The following ARMC2 variants were observed in gnomAD, a reference collection of about 807,000 sequenced individuals.
ARMC2 encodes armadillo repeat containing 2.
In ARMC2, 67 loss-of-function variants were observed where a neutral mutation model predicts 90.3. That is an observed-to-expected ratio of 0.74 (90% CI 0.61 to 0.91). The LOEUF (loss-of-function observed/expected upper bound fraction) is 0.91, where lower values mean the gene tolerates loss of function less well. Among genes scored for constraint, ARMC2 ranks in the 40% least tolerant of loss-of-function variants. The pLI is 0.00. For missense variants in ARMC2, 920 were observed against 1,030.9 expected (o/e 0.89, Z 1.47); for synonymous variants, 393 against 393.0 (o/e 1.00, Z 0.00).
At chr6:108,924,432 C>T (rs1356036132) in intron 10 of ARMC2, among the ~76,000 whole-genome samples, 1 of 151,954 alleles carries the variant, frequency 6.6e-6, no homozygotes, top group African/African-American at 2.4e-5. Context: ...GCAGGAGAAT[C>T]GCTTGAACCC....
the ARMC2 span, among the ~76,000 whole-genome samples, chr6:109,006,277 C>A: frequency 6.6e-6 from 1 of 152,122 alleles, no homozygotes; most frequent in Admixed American, 6.5e-5. Flanking sequence ...TTTAGCATAA[C>A]TGATGAAAGC....
intron 6 of ARMC2, among the ~76,000 whole-genome samples, chr6:108,896,638 A>G (rs774577694): frequency 6.6e-6 from 1 of 152,226 alleles, no homozygotes; most frequent in Admixed American, 6.5e-5. Context: ...AGCAAATCTC[A>G]GAAACATTCA....
At chr6:108,980,643 G>C in the ARMC2 span, among the ~76,000 whole-genome samples, 7 of 152,146 alleles carry the variant, frequency 4.6e-5, no homozygotes, top group African/African-American at 7.2e-5. Flanking sequence ...GGAGATGGGG[G>C]TTTTATCTAT....
intron 11 of ARMC2, among the ~76,000 whole-genome samples, chr6:108,936,277 G>A (rs1440687949): frequency 1.3e-5 from 2 of 151,936 alleles, no homozygotes; most frequent in African/African-American, 4.8e-5. Context: ...TTTGTTTTGA[G>A]GCAGAGTCTC....
chr6:108,900,613 G>A (rs1268474918), intron 7 of ARMC2, among the ~76,000 whole-genome samples: 1 of 152,152 alleles, frequency 6.6e-6, no homozygotes, highest in Non-Finnish European at 1.5e-5. Flanking sequence ...ACCAAACAGA[G>A]ATGTGCTGCA....
At chr6:109,003,165 C>G in the ARMC2 span, among the ~76,000 whole-genome samples, 1 of 151,730 alleles carries the variant, frequency 6.6e-6, no homozygotes, top group Non-Finnish European at 1.5e-5. Flanking sequence ...TAATATATTT[C>G]AACTTTTTGT....
At chr6:109,004,098 A>T in the ARMC2 span, among the ~76,000 whole-genome samples, 1 of 152,212 alleles carries the variant, frequency 6.6e-6, no homozygotes, top group Non-Finnish European at 1.5e-5. Flanking sequence ...TCAGAAAAAA[A>T]GTGAAGCTGG....
At chr6:109,009,338 C>G in the ARMC2 span, 50 of 1,467,226 alleles carry the variant, frequency 3.4e-5, no homozygotes, top group East Asian at 1.5e-3. Context: ...CAGCGGCCCG[C>G]TCAGCCCCTC....
At chr6:108,902,804 A>G (rs1005018646) in intron 7 of ARMC2, among the ~76,000 whole-genome samples, 6 of 152,152 alleles carry the variant, frequency 3.9e-5, no homozygotes, top group African/African-American at 1.4e-4. Flanking sequence ...AGATAATATT[A>G]TTTGACAGAA....
chr6:108,889,317 T>C (rs751564994), intron 5 of ARMC2, among the ~76,000 whole-genome samples: 2 of 149,806 alleles, frequency 1.3e-5, no homozygotes, highest in Non-Finnish European at 3.0e-5. Context: ...GGCTAATTTT[T>C]GTATTTTTAG....
At position 108,910,890 on chromosome 6, in the gene ARMC2, T is replaced by A; in HGVS notation, c.1024-9T>A. 7.0e-7 allele frequency: 1 copy of A among 1,427,478 alleles called. No individual in the cohort carries two copies. The highest frequency in any genetic ancestry group is 9.6e-7 in the Non-Finnish European group (1 of 1,046,656). The allele number at this position is 1,427,478 out of a possible 1,614,324, so 88.4% of individuals were successfully genotyped here. On this transcript the variant is annotated splice_polypyrimidine_tract_variant and intron_variant, in intron 8 of 17. Transcript: ENST00000392644. ...CTTCTGCAATAGAGATGTGTTTCTT[T>A]CTCTGCAGCTTAAAGTGAGTAGAAA... is the stretch of plus-strand genomic sequence containing the variant.
intron 10 of ARMC2, among the ~76,000 whole-genome samples, chr6:108,915,785 T>C (rs78030788): frequency 1.3e-5 from 2 of 152,070 alleles, no homozygotes; most frequent in Non-Finnish European, 2.9e-5. Context: ...AAGAGTGGAC[T>C]TGGGGCAACA....
intron 5 of ARMC2, chr6:108,880,227 C>T (rs1160374261): frequency 1.6e-5 from 5 of 309,226 alleles, no homozygotes; most frequent in East Asian, 1.7e-4. Context: ...GGCCTTCTCA[C>T]ATTGTGTAAT....
chr6:108,994,140 T>TAAAAAAAAAAAA, the ARMC2 span, among the ~76,000 whole-genome samples: 1 of 100,254 alleles, frequency 1.0e-5, no homozygotes, highest in Non-Finnish European at 2.0e-5. Context: ...CCCTGTTTCT[T>TAAAAAAAAAAAA]AAAAAAAAAA....
chr6:108,899,659 A>G, intron 6 of ARMC2, 35 bp from the exon 7 acceptor site: 1 of 1,546,092 alleles, frequency 6.5e-7, no homozygotes, highest in East Asian at 2.3e-5. Flanking sequence ...CTCCTTTTTC[A>G]TAGCTTTTTC....
the ARMC2 span, among the ~76,000 whole-genome samples, chr6:109,020,084 CA>C: frequency 6.6e-6 from 1 of 152,150 alleles, no homozygotes; most frequent in Non-Finnish European, 1.5e-5. Context: ...TCCCTAAGAA[CA>C]AAAACACAAA....
chr6:108,973,016 T>C (rs576732057), intron 17 of ARMC2, among the ~76,000 whole-genome samples: 4 of 152,122 alleles, frequency 2.6e-5, no homozygotes, highest in African/African-American at 9.6e-5. Context: ...GATACCAAAA[T>C]AGACTAATTG....
rs776007587 is a variant in ARMC2, at chr6:108,910,914, A to G, written c.1039A>G (p.Lys347Glu). Residue 347 changes from lysine to glutamate, a missense_variant, in exon 9 of 18, where the codon AAG becomes GAG. Physicochemically the swap from Lys to Glu is moderately conservative, Grantham distance 56. Transcript: ENST00000392644. ...TTCTCTGCAGCTTAAAGTGAGTAGA[A>G]AGAATCTTCTTAATGTCTGCAAACT... ...KIILALKVSR[K>E]NLLNVCKLIF... 6.4e-7 allele frequency: 1 copy of G among 1,552,490 alleles called. No individual in the cohort carries two copies. Among genetic ancestry groups the G allele is most frequent in the East Asian group, 2.3e-5 (1 of 43,742 alleles).
chr6:109,032,610 T>G, the ARMC2 span, among the ~76,000 whole-genome samples: 7 of 148,856 alleles, frequency 4.7e-5, no homozygotes, highest in Admixed American at 4.6e-4. Context: ...AGAGCAAGAC[T>G]TCATCTCGTG....
Sources: allele counts gnomAD v4.1 joint callset (sites outside exome capture counted in the v4.1 genomes callset), GRCh38; gene constraint gnomAD v4.1.1; transcripts MANE v1.5; gene names NCBI Gene and HGNC (gene_info 2026-07-23, HGNC 2026-07-21).